WARS2: variants seen among roughly 807,000 people sequenced by gnomAD.
WARS2 encodes tryptophanyl tRNA synthetase 2, mitochondrial, also known as tryptophan--tRNA ligase, mitochondrial.
Under a neutral mutation model 36.5 loss-of-function variants are expected in WARS2, and 28 were observed. The observed-to-expected ratio is 0.77, with a 90% CI of 0.57 to 1.05. The LOEUF (loss-of-function observed/expected upper bound fraction) is 1.05, where lower values mean the gene tolerates loss of function less well. Among genes scored for constraint, WARS2 ranks in the 50% least tolerant of loss-of-function variants. The probability of loss-of-function intolerance (pLI) is 0.00; values close to 1 mark genes in which losing one functional copy is unlikely to be tolerated. For synonymous variants in WARS2, 174 were observed against 178.4 expected, an observed-to-expected ratio of 0.98 and a Z score of 0.20; for missense variants, 435 against 456.8, an observed-to-expected ratio of 0.95 and a Z score of 0.44.
At chr1:119,033,380 C>A in intron 5 of WARS2, 21 bp from the exon 6 acceptor site, 1 of 1,612,688 alleles carries the variant, frequency 6.2e-7, no homozygotes, top group Non-Finnish European at 8.5e-7. Flanking sequence ...AACACCAACA[C>A]ACACATACCC....
Position 119,140,579 on chromosome 1 carries a change from T to A in WARS2, c.66A>T (p.Gly22=), listed in dbSNP as rs761148862. The A allele has an allele frequency of 1.9e-6, 3 of 1,613,494 alleles. No individual in the cohort carries two copies. Among genetic ancestry groups the A allele is most frequent in the East Asian group, 2.2e-5 (1 of 44,858 alleles). Residue 22 remains glycine, a synonymous_variant, in exon 1 of 6, where the codon GGA becomes GGT. Transcript: ENST00000235521. ...RWSFIRALHK[G]SAAAPALQKD... is the part of the protein sequence containing the mutation. The stretch of plus-strand genomic sequence containing the variant: ...CCTGGAGAGCGGGAGCAGCTGCGGA[T>A]CCCTTATGAAGTGCCCGGATGAAGC...
intron 1 of WARS2, among the ~76,000 whole-genome samples, chr1:119,115,349 C>A (rs1654893850): frequency 6.6e-6 from 1 of 152,056 alleles, no homozygotes; most frequent in Admixed American, 6.6e-5. Context: ...TTGGCAGTAA[C>A]CCTTGTGATC....
At chr1:119,053,756 A>T (rs1402701999) in intron 2 of WARS2, among the ~76,000 whole-genome samples, 1 of 152,088 alleles carries the variant, frequency 6.6e-6, no homozygotes, top group Non-Finnish European at 1.5e-5. Flanking sequence ...TATACAAAGA[A>T]CTCTTAAGGC....
chr1:119,103,408 G>C (rs764257711), intron 1 of WARS2, among the ~76,000 whole-genome samples: 23 of 152,028 alleles, frequency 1.5e-4, no homozygotes, highest in Non-Finnish European at 2.6e-4. Context: ...CAAGAGCTTT[G>C]GGCTTAATCA....
intron 1 of WARS2, among the ~76,000 whole-genome samples, chr1:119,138,911 T>A (rs1388654597): frequency 6.6e-6 from 1 of 152,232 alleles, no homozygotes; most frequent in African/African-American, 2.4e-5. Context: ...AGTAGAGGTT[T>A]AAGAAATTTT....
intron 1 of WARS2, among the ~76,000 whole-genome samples, chr1:119,136,415 T>C (rs1302301180): frequency 6.6e-6 from 1 of 152,204 alleles, no homozygotes; most frequent in Non-Finnish European, 1.5e-5. Context: ...TTTAATAAAC[T>C]AGGTCAGTTC....
chr1:119,122,004 C>A (rs1266262338), intron 1 of WARS2, among the ~76,000 whole-genome samples: 2 of 152,084 alleles, frequency 1.3e-5, no homozygotes, highest in Middle Eastern at 3.4e-3. Flanking sequence ...TGAGCAAGTG[C>A]CCAAAAGCAA....
At chr1:119,127,316 A>G in intron 1 of WARS2, 1 of 605,094 alleles carries the variant, frequency 1.7e-6, no homozygotes. Flanking sequence ...CCAAAAACTG[A>G]GATAGATACT....
rs151047248 is a variant in WARS2 at position 119,033,031 on chromosome 1, A to G, written c.963T>C (p.Ile321=). ...IEKFAPIKRE[I]EKLKLDKDHL... is the part of the protein sequence containing the mutation. ...GGTCCTTGTCCAGCTTCAGTTTTTC[A>G]ATTTCACGCTTAATTGGGGCAAACT... Residue 321 remains isoleucine (I), a synonymous_variant, in exon 6 of 6, where the codon ATT becomes ATC. Coordinates refer to ENST00000235521, the MANE Select transcript of WARS2 (RefSeq NM_015836.4). 1.2e-6 allele frequency: 2 copies of G among 1,614,092 alleles called. No homozygotes were observed. The highest frequency in any genetic ancestry group is 2.7e-5 in the African/African-American group (2 of 74,918).
intron 5 of WARS2, among the ~76,000 whole-genome samples, 193 bp from the exon 6 acceptor site, chr1:119,033,552 C>G (rs116616182): frequency 6.6e-6 from 1 of 152,174 alleles, no homozygotes; most frequent in Non-Finnish European, 1.5e-5. Context: ...CTGTTTTTCA[C>G]TTTCAGTATA....
At chr1:119,088,961 T>C (rs1652859094) in intron 1 of WARS2, among the ~76,000 whole-genome samples, 1 of 152,184 alleles carries the variant, frequency 6.6e-6, no homozygotes, top group African/African-American at 2.4e-5. Context: ...GCACTGTAAG[T>C]GGGTCTCATG....
At chr1:119,134,916 G>A (rs1656378542) in intron 1 of WARS2, among the ~76,000 whole-genome samples, 1 of 152,198 alleles carries the variant, frequency 6.6e-6, no homozygotes, top group African/African-American at 2.4e-5. Context: ...GAGGAGGCTA[G>A]AGGCTAGGTT....
At chr1:119,037,097 C>G (rs978975354) in intron 4 of WARS2, among the ~76,000 whole-genome samples, 1 of 151,958 alleles carries the variant, frequency 6.6e-6, no homozygotes, top group East Asian at 1.9e-4. Context: ...AAATTTATAC[C>G]CTGCATAATG....
At chr1:119,035,084 G>C (rs986398374) in intron 4 of WARS2, among the ~76,000 whole-genome samples, 1 of 152,128 alleles carries the variant, frequency 6.6e-6, no homozygotes, top group Non-Finnish European at 1.5e-5. Context: ...AGAATATAGG[G>C]AATGACTTCA....
intron 1 of WARS2, among the ~76,000 whole-genome samples, chr1:119,111,396 C>G (rs1445743914): frequency 1.3e-5 from 2 of 152,150 alleles, no homozygotes; most frequent in African/African-American, 4.8e-5. Flanking sequence ...CTCTCTCCCC[C>G]TCTTAGGTGA....
At chr1:119,051,367 T>G (rs1360868193) in intron 2 of WARS2, among the ~76,000 whole-genome samples, 2 of 152,194 alleles carry the variant, frequency 1.3e-5, no homozygotes, top group South Asian at 2.1e-4. Flanking sequence ...ATGATCTTAT[T>G]TTTTATTTTT....
chr1:119,070,177 G>T (rs545589216), intron 2 of WARS2, among the ~76,000 whole-genome samples: 19 of 152,318 alleles, frequency 1.2e-4, no homozygotes, highest in African/African-American at 4.3e-4. Context: ...ATTAGTGAAA[G>T]ATAACAGTAA....
chr1:119,067,478 A>G (rs1325233145), intron 2 of WARS2, among the ~76,000 whole-genome samples: 1 of 152,214 alleles, frequency 6.6e-6, no homozygotes, highest in Non-Finnish European at 1.5e-5. Flanking sequence ...AAAGTCCTCA[A>G]AAAACCTTAG....
intron 2 of WARS2, among the ~76,000 whole-genome samples, chr1:119,057,058 C>T (rs1047737243): frequency 2.0e-5 from 3 of 152,146 alleles, no homozygotes; most frequent in East Asian, 1.9e-4. Context: ...TAAGTTTGGT[C>T]ATCCAAGTGG....
Sources: allele counts gnomAD v4.1 joint callset (sites outside exome capture counted in the v4.1 genomes callset), GRCh38; gene constraint gnomAD v4.1.1; transcripts MANE v1.5; gene names NCBI Gene and HGNC (gene_info 2026-07-23, HGNC 2026-07-21).